DENND4C: variants seen among roughly 807,000 people sequenced by gnomAD.
The protein encoded by DENND4C is DENN domain containing 4C.
A neutral mutation model predicts 203.0 loss-of-function variants in DENND4C; 108 were observed. The ratio of observed to expected loss-of-function variants is 0.53; its 90% CI spans 0.46 to 0.62. DENND4C has a LOEUF of 0.62. Ranked by LOEUF, DENND4C falls within the 20% of genes least tolerant of loss-of-function variation. The pLI is 0.00. For synonymous variants in DENND4C, 871 were observed against 792.4 expected (o/e 1.10, Z -1.67); for missense variants, 2,481 against 2,301.2 (o/e 1.08, Z -1.60).
At chr9:19,350,681 A>ATT (rs759780370) in intron 23 of DENND4C, 21 bp from the exon 24 acceptor site, 18 of 1,304,796 alleles carry the variant, frequency 1.4e-5, no homozygotes, top group South Asian at 5.7e-5. Flanking sequence ...TGTATGTGGA[A>ATT]TTTTTTTTTT....
Position 19,243,368 on chromosome 9 carries a change from T to C in DENND4C, c.-18+12535T>C, listed in dbSNP as rs191155236. Reference sequence around the variant, plus strand: ...AAATTCTGACAAAATTAACATAACATGAAATTTGCCATTTTAACCACTTAA... The same window carrying C: ...AAATTCTGACAAAATTAACATAACACGAAATTTGCCATTTTAACCACTTAA... On this transcript the variant is annotated intron_variant, in intron 1 of 32. Transcript: ENST00000434457. 1.2e-4 allele frequency among the ~76,000 whole-genome samples: 18 copies of C among 152,332 alleles called. No homozygotes were observed. The East Asian group carries it at 3.3e-3, about 28-fold the overall frequency.
intron 1 of DENND4C, among the ~76,000 whole-genome samples, chr9:19,254,320 G>T (rs371690805): frequency 3.4e-4 from 52 of 152,234 alleles, no homozygotes; most frequent in African/African-American, 1.2e-3. Context: ...CAATAGCTGA[G>T]ATGTGGAAGT....
chr9:19,360,626 C>A (rs1482640821), intron 29 of DENND4C, 137 bp downstream of exon 29: 2 of 1,157,076 alleles, frequency 1.7e-6, no homozygotes, highest in Non-Finnish European at 2.5e-6. Flanking sequence ...GATAAGCAGT[C>A]CTGGAATGGT....
intron 2 of DENND4C, among the ~76,000 whole-genome samples, chr9:19,278,920 A>C (rs1833466053): frequency 6.6e-6 from 1 of 152,114 alleles, no homozygotes; most frequent in Non-Finnish European, 1.5e-5. Context: ...TTAAGGGCCT[A>C]ACTATTCAAA....
chr9:19,236,931 C>T (rs1326995386), intron 1 of DENND4C, among the ~76,000 whole-genome samples: 1 of 152,212 alleles, frequency 6.6e-6, no homozygotes, highest in Non-Finnish European at 1.5e-5. Flanking sequence ...CTATCTATTC[C>T]AGCATCTTGC....
At chr9:19,361,663 C>A (rs1195217888) in intron 29 of DENND4C, among the ~76,000 whole-genome samples, 183 bp from the exon 30 acceptor site, 2 of 152,084 alleles carry the variant, frequency 1.3e-5, no homozygotes. Context: ...CACTGAGAAA[C>A]CTTGACCTCA....
At chr9:19,288,691 C>G (rs1588849073) in intron 4 of DENND4C, 26 bp downstream of exon 4, 1 of 1,196,222 alleles carries the variant, frequency 8.4e-7, no homozygotes, top group Non-Finnish European at 1.0e-6. Context: ...AAAATTGTCT[C>G]AATTGCTATA....
chr9:19,306,755 A>ATTTG (rs1440511991), intron 10 of DENND4C, among the ~76,000 whole-genome samples: 1 of 138,618 alleles, frequency 7.2e-6, no homozygotes, highest in East Asian at 2.0e-4. Context: ...GTATTTATTT[A>ATTTG]TTTATTTATT....
intron 1 of DENND4C, among the ~76,000 whole-genome samples, chr9:19,236,130 T>C (rs1821912107): frequency 2.0e-5 from 3 of 152,112 alleles, no homozygotes; most frequent in South Asian, 2.1e-4. Flanking sequence ...TATAAATCTT[T>C]TTTTAAATTA....
At chr9:19,354,120 T>C (rs961023141) in intron 26 of DENND4C, among the ~76,000 whole-genome samples, 2 of 152,190 alleles carry the variant, frequency 1.3e-5, no homozygotes, top group Non-Finnish European at 2.9e-5. Context: ...TTTTTATTGC[T>C]CTATTTTAAA....
chr9:19,304,047 TTA>T lies in DENND4C; in HGVS notation c.1312-1304_1312-1303del, dbSNP rs1491184032. On this transcript the variant is annotated intron_variant, in intron 9 of 32. Transcript: ENST00000434457. ...TAAAAAACATCAAAACCTGTCTTTT[TTA>T]AAAAAAAAAAAAACCCACAAATGAT... Among the ~76,000 whole-genome samples, 38 of 146,204 alleles carry T rather than the reference TTA, an allele frequency of 2.6e-4. 1 individual carries two copies. Among genetic ancestry groups the T allele is most frequent in the African/African-American group, 8.8e-4 (33 of 37,678 alleles).
At chr9:19,240,646 A>G (rs1823436654) in intron 1 of DENND4C, among the ~76,000 whole-genome samples, 1 of 147,480 alleles carries the variant, frequency 6.8e-6, no homozygotes. Flanking sequence ...AGCTTGGGCA[A>G]CAGAGTGAGA....
chr9:19,309,961 A>G (rs1344680745), intron 10 of DENND4C, among the ~76,000 whole-genome samples: 5 of 152,096 alleles, frequency 3.3e-5, no homozygotes, highest in Non-Finnish European at 7.4e-5. Context: ...TCTTTTCAGA[A>G]TTTTTTGGTG....
At chr9:19,288,030 A>T (rs1835564267) in intron 3 of DENND4C, among the ~76,000 whole-genome samples, 1 of 152,238 alleles carries the variant, frequency 6.6e-6, no homozygotes, top group Admixed American at 6.5e-5. Context: ...CACCACACCC[A>T]ATCCATGCAT....
intron 1 of DENND4C, among the ~76,000 whole-genome samples, chr9:19,235,025 G>A (rs1854553): frequency 0.84 from 127,483 of 151,174 alleles, 54,086 homozygotes; most frequent in Admixed American, 0.89. Flanking sequence ...GGTGCAATGG[G>A]GTGATCTCAG....
intron 12 of DENND4C, among the ~76,000 whole-genome samples, chr9:19,323,259 G>A (rs1399512889): frequency 2.0e-5 from 3 of 152,004 alleles, no homozygotes; most frequent in Non-Finnish European, 4.4e-5. Context: ...TGGTGAAACC[G>A]TCTCTACTAA....
intron 21 of DENND4C, 48 bp downstream of exon 21, chr9:19,341,162 A>G (rs943085000): frequency 2.8e-6 from 4 of 1,424,570 alleles, no homozygotes; most frequent in Non-Finnish European, 3.8e-6. Flanking sequence ...TACCTGTATT[A>G]TTAATAATTA....
intron 4 of DENND4C, among the ~76,000 whole-genome samples, 190 bp from the exon 5 acceptor site, chr9:19,290,514 A>C (rs867205870): frequency 5.9e-4 from 90 of 152,198 alleles, no homozygotes; most frequent in African/African-American, 2.0e-3. Flanking sequence ...ATGAACTGTA[A>C]ATTCATGGGT....
chr9:19,337,878 T>TTTGAAAA (rs547016156), intron 20 of DENND4C, among the ~76,000 whole-genome samples: 2 of 152,214 alleles, frequency 1.3e-5, no homozygotes, highest in Non-Finnish European at 2.9e-5. Context: ...TGTTATCTTA[T>TTTGAAAA]TTGAAAATAT....
Sources: allele counts gnomAD v4.1 joint callset (sites outside exome capture counted in the v4.1 genomes callset), GRCh38; gene constraint gnomAD v4.1.1; transcripts MANE v1.5; gene names NCBI Gene and HGNC (gene_info 2026-07-23, HGNC 2026-07-21).